Variants in AQP12A observed in about 807,000 individuals in gnomAD.
AQP12A encodes aquaporin 12A.
Under a neutral mutation model 12.2 loss-of-function variants are expected in AQP12A, and 11 were observed. The observed-to-expected ratio is 0.90, with a 90% CI of 0.57 to 1.49. The LOEUF (loss-of-function observed/expected upper bound fraction) is 1.49. AQP12A is among the 40% of genes most tolerant of loss of function. The probability of loss-of-function intolerance (pLI) is 0.00; values close to 1 mark genes in which losing one functional copy is unlikely to be tolerated. For missense variants in AQP12A, 203 were observed against 260.8 expected, an observed-to-expected ratio of 0.78 and a Z score of 1.53; for synonymous variants, 101 against 127.1, an observed-to-expected ratio of 0.79 and a Z score of 1.38.
rs1186744053 is a variant in AQP12A at position 240,692,285 on chromosome 2, C to T, written c.335C>T (p.Ala112Val). The part of the protein sequence containing the change: ...KLAAQGLGMQ[A>V]ACTLMRLCWA... Reference sequence around the variant, plus strand: ...GCGGCACAGGGGCTGGGCATGCAGGCCGCCTGCACCCTGATGCGCCTCTGC... The same window carrying T: ...GCGGCACAGGGGCTGGGCATGCAGGTCGCCTGCACCCTGATGCGCCTCTGC... The change falls in exon 2 of 4, where the codon GCC becomes GTC. Residue 112 changes from alanine (A) to valine (V), a missense_variant. Ala to Val is a moderately conservative substitution (Grantham distance 64, BLOSUM62 0). Around this residue, in one of 2 missense-constraint regions of AQP12A, gnomAD observed 191 missense variants for 197.1 expected, o/e 0.97. Coordinates refer to ENST00000337801, the MANE Select transcript of AQP12A (RefSeq NM_198998.3). 4 of 1,578,444 alleles carry T rather than the reference C, an allele frequency of 2.5e-6. 2 individuals are homozygous for T. The highest frequency in any genetic ancestry group is 3.4e-6 in the Non-Finnish European group (4 of 1,167,418).
At chr2:240,693,053 G>A (rs1174824017) in intron 2 of AQP12A, among the ~76,000 whole-genome samples, 8 of 152,224 alleles carry the variant, frequency 5.3e-5, no homozygotes, top group Admixed American at 4.6e-4. Context: ...CAGACCCTCC[G>A]TCTGATCCAG....
intron 2 of AQP12A, among the ~76,000 whole-genome samples, chr2:240,693,250 C>T (rs1422421013): frequency 1.3e-5 from 2 of 152,026 alleles, no homozygotes; most frequent in Non-Finnish European, 2.9e-5. Flanking sequence ...TCCGGGGGTC[C>T]GAGGTCCTAA....
chr2:240,692,094 C>T lies in AQP12A; in HGVS notation c.144C>T (p.Leu48=), dbSNP rs758875154. The change falls in exon 2 of 4, where the codon CTC becomes CTT. Residue 48 remains leucine (L), a synonymous_variant. Coordinates refer to ENST00000337801, the MANE Select transcript of AQP12A (RefSeq NM_198998.3). ...TGGAGATGAGGACGCTGGTCGAGCTCGGGCCCTGGGCTGGGGACTTTGGGC... is the reference window on the plus strand; with the variant it reads ...TGGAGATGAGGACGCTGGTCGAGCTTGGGCCCTGGGCTGGGGACTTTGGGC... The part of the protein sequence containing the change: ...AREAMRTLVE[L]GPWAGDFGPD... 13 of 1,582,820 alleles carry T rather than the reference C, an allele frequency of 8.2e-6. 1 individual carries two copies. Among genetic ancestry groups the T allele is most frequent in the South Asian group, 7.9e-5 (7 of 88,674 alleles).
Position 240,692,266 on chromosome 2 carries a change from C to G in AQP12A, c.316C>G (p.Gln106Glu), listed in dbSNP as rs1428689902. The G allele has an allele frequency of 1.3e-6, 2 of 1,578,802 alleles. No homozygotes were observed. Among genetic ancestry groups the G allele is most frequent in the Non-Finnish European group, 1.7e-6 (2 of 1,167,556 alleles). The change falls in exon 2 of 4, where the codon CAG becomes GAG. Residue 106 changes from glutamine (Q) to glutamate (E), a missense_variant. Physicochemically the swap from Gln to Glu is conservative, Grantham distance 29 (BLOSUM62 2). Around this residue, in one of 2 missense-constraint regions of AQP12A, gnomAD observed 191 missense variants for 197.1 expected, o/e 0.97. Coordinates refer to ENST00000337801, the MANE Select transcript of AQP12A (RefSeq NM_198998.3). ...LPGTLLKLAAQGLGMQAACTL... is the reference protein window; with the variant it reads ...LPGTLLKLAAEGLGMQAACTL... ...TGGCACGCTGTTGAAGCTGGCGGCA[C>G]AGGGGCTGGGCATGCAGGCCGCCTG... is the stretch of plus-strand genomic sequence containing the variant.
chr2:240,692,925 C>T (rs1399002672), intron 2 of AQP12A, among the ~76,000 whole-genome samples: 1 of 152,158 alleles, frequency 6.6e-6, no homozygotes, highest in Non-Finnish European at 1.5e-5. Context: ...TCACCTGCCC[C>T]AGTTGGCCTC....
At position 240,692,036 on chromosome 2, in the gene AQP12A, G is replaced by A. The variant is rs751218337; in HGVS notation, c.123G>A (p.Ala41=). ...VGAYEVFARE[A]MRTLVELGPW... is the part of the protein sequence containing the mutation. ...CCTATGAAGTCTTCGCCCGGGAGGC[G>A]GTGGGTGCGGGTGCAGCTCGGGCCC... The change falls in exon 1 of 4, where the codon GCG becomes GCA. Residue 41 remains alanine (A), a splice_region_variant and synonymous_variant. Transcript: ENST00000337801. 43 of 1,580,168 alleles carry A rather than the reference G, an allele frequency of 2.7e-5. 7 individuals are homozygous for A. The African/African-American group carries it at 3.0e-4, about 11-fold the overall frequency.
intron 2 of AQP12A, among the ~76,000 whole-genome samples, chr2:240,693,016 A>G (rs1246025367): frequency 7.9e-5 from 12 of 152,362 alleles, no homozygotes; most frequent in African/African-American, 2.4e-4. Flanking sequence ...TCATGGTCCC[A>G]TCACCCCCTT....
rs1451876509 is a variant in AQP12A at position 240,692,237 on chromosome 2, T to C, written c.287T>C (p.Leu96Pro). The part of the protein sequence containing the change: ...LQEFLMAEQS[L>P]PGTLLKLAAQ... ...GAGTTCCTCATGGCCGAGCAGTCTC[T>C]GCCTGGCACGCTGTTGAAGCTGGCG... The change falls in exon 2 of 4, where the codon CTG (leucine) becomes CCG (proline). Residue 96 changes from leucine to proline, a missense_variant. Transcript: ENST00000337801. The C allele has an allele frequency of 6.3e-7, 1 of 1,579,016 alleles. No homozygotes were observed. The highest frequency in any genetic ancestry group is 8.6e-7 in the Non-Finnish European group (1 of 1,167,544).
Position 240,692,286 on chromosome 2 carries a change from C to T in AQP12A, c.336C>T (p.Ala112=), listed in dbSNP as rs536937690. 2.2e-5 allele frequency: 35 copies of T among 1,578,514 alleles called. 2 individuals are homozygous for T. The highest frequency in any genetic ancestry group is 5.7e-5 in the African/African-American group (4 of 69,712). The change falls in exon 2 of 4, where the codon GCC becomes GCT. Residue 112 remains alanine (A), a synonymous_variant. Transcript: ENST00000337801. The part of the protein sequence containing the change: ...KLAAQGLGMQ[A]ACTLMRLCWA... ...CGGCACAGGGGCTGGGCATGCAGGC[C>T]GCCTGCACCCTGATGCGCCTCTGCT...
intron 2 of AQP12A, among the ~76,000 whole-genome samples, chr2:240,693,832 CTG>C (rs2044094402): frequency 1.4e-5 from 1 of 68,992 alleles, no homozygotes; most frequent in Non-Finnish European, 2.4e-5. Context: ...CTCTCTCTCT[CTG>C]TCTCTCCTCT....
chr2:240,693,576 TGTCCCTGTG>T (rs773965497), intron 2 of AQP12A, among the ~76,000 whole-genome samples: 4,843 of 151,614 alleles, frequency 0.032, 115 homozygotes, highest in South Asian at 0.11. Context: ...GCAGACTCCA[TGTCCCTGTG>T]GTCCCTGCCC....
At chr2:240,692,831 G>A (rs2044083008) in intron 2 of AQP12A, among the ~76,000 whole-genome samples, 2 of 150,860 alleles carry the variant, frequency 1.3e-5, no homozygotes, top group Non-Finnish European at 1.5e-5. Flanking sequence ...CGAGGCAGAC[G>A]ATTCAAGGCC....
rs775847031 is a variant in AQP12A, at chr2:240,692,394, C to A, written c.444C>A (p.Pro148=). 55 of 1,508,752 alleles carry A rather than the reference C, an allele frequency of 3.6e-5. 4 individuals are homozygous for A. The South Asian group carries it at 6.3e-4, about 17-fold the overall frequency. 93.5% of individuals were successfully genotyped at this position (1,508,752 alleles called of 1,614,324 possible). A position where few individuals can be genotyped will look rare whatever the true frequency, so the allele number is the denominator to read the frequency against. The part of the protein sequence containing the change: ...SCSSALRTSV[P]HGALVEAACA... ...GCTCGGCCCTGCGCACATCCGTGCCCCACGGGGCGCTTGTGGAGGCCGCCT... is the reference window on the plus strand; with the variant it reads ...GCTCGGCCCTGCGCACATCCGTGCCACACGGGGCGCTTGTGGAGGCCGCCT... The change falls in exon 2 of 4, where the codon CCC becomes CCA. Residue 148 remains proline, a synonymous_variant. Coordinates refer to ENST00000337801, the MANE Select transcript of AQP12A (RefSeq NM_198998.3).
chr2:240,692,228 A>C lies in AQP12A; in HGVS notation c.278A>C (p.Glu93Ala). 1 of 1,579,168 alleles carries C rather than the reference A, an allele frequency of 6.3e-7. No individual in the cohort carries two copies. The highest frequency in any genetic ancestry group is 8.6e-7 in the Non-Finnish European group (1 of 1,167,560). ...TVSLQEFLMA[E>A]QSLPGTLLKL... ...TCCCTGCAGGAGTTCCTCATGGCCG[A>C]GCAGTCTCTGCCTGGCACGCTGTTG... Residue 93 changes from glutamate (E) to alanine (A), a missense_variant, in exon 2 of 4, where the codon GAG becomes GCG. Coordinates refer to ENST00000337801, the MANE Select transcript of AQP12A (RefSeq NM_198998.3).
In AQP12A at chr2:240,692,140, C is replaced by A. The variant is rs1171849254; in HGVS notation, c.190C>A (p.Leu64Ile). 2 of 1,583,314 alleles carry A rather than the reference C, an allele frequency of 1.3e-6. No homozygotes were observed. Among genetic ancestry groups the A allele is most frequent in the African/African-American group, 1.4e-5 (1 of 70,742 alleles). The part of the protein sequence containing the change: ...DFGPDLLLTL[L>I]FLLFLAHGVT... ...TGGGCCTGACCTGCTGCTCACCCTG[C>A]TCTTCCTGCTCTTCCTGGCGCACGG... is the stretch of plus-strand genomic sequence containing the variant. The change falls in exon 2 of 4, where the codon CTC (leucine) becomes ATC (isoleucine). Residue 64 changes from leucine (L) to isoleucine (I), a missense_variant. Around this residue, in one of 2 missense-constraint regions of AQP12A, gnomAD observed 191 missense variants for 197.1 expected, o/e 0.97. Transcript: ENST00000337801.
Position 240,692,045 on chromosome 2 carries a change from G to A in AQP12A, c.123+9G>A, listed in dbSNP as rs373120355. On this transcript the variant is annotated intron_variant, in intron 1 of 3. Transcript: ENST00000337801. ...TCTTCGCCCGGGAGGCGGTGGGTGC[G>A]GGTGCAGCTCGGGCCCTGCTGCCTG... The A allele has an allele frequency of 2.7e-5, 40 of 1,503,512 alleles. 6 individuals are homozygous for A. In the African/African-American group the frequency reaches 4.8e-4, roughly 18 times the overall value. The allele number at this position is 1,503,512 out of a possible 1,614,324, so 93.1% of individuals were successfully genotyped here.
chr2:240,692,107 G>A lies in AQP12A; in HGVS notation c.157G>A (p.Gly53Arg), dbSNP rs1427312823. 17 of 1,583,382 alleles carry A rather than the reference G, an allele frequency of 1.1e-5. 1 individual carries two copies. Among genetic ancestry groups the A allele is most frequent in the Non-Finnish European group, 1.5e-5 (17 of 1,168,352 alleles). The change falls in exon 2 of 4, where the codon GGG (glycine) becomes AGG (arginine). Residue 53 changes from glycine to arginine, a missense_variant. By Grantham distance (125) the Gly-to-Arg change is moderately radical (BLOSUM62 -2). Transcript: ENST00000337801. ...RTLVELGPWA[G>R]DFGPDLLLTL... ...GCTGGTCGAGCTCGGGCCCTGGGCTGGGGACTTTGGGCCTGACCTGCTGCT... is the reference window on the plus strand; with the variant it reads ...GCTGGTCGAGCTCGGGCCCTGGGCTAGGGACTTTGGGCCTGACCTGCTGCT...
chr2:240,692,405 T>C lies in AQP12A; in HGVS notation c.455T>C (p.Leu152Pro), dbSNP rs2044076989. The C allele has an allele frequency of 2.6e-6, 4 of 1,510,932 alleles. No individual in the cohort carries two copies. The highest frequency in any genetic ancestry group is 3.5e-6 in the Non-Finnish European group (4 of 1,131,620). The allele number at this position is 1,510,932 out of a possible 1,614,324, so 93.6% of individuals were successfully genotyped here. ...CGCACATCCGTGCCCCACGGGGCGC[T>C]TGTGGAGGCCGCCTGCGCCTTTTGT... Reference protein sequence around the residue: ...ALRTSVPHGALVEAACAFCFH... With the variant: ...ALRTSVPHGAPVEAACAFCFH... Residue 152 changes from leucine (L) to proline (P), a missense_variant, in exon 2 of 4, where the codon CTT (leucine) becomes CCT (proline). Leu to Pro is a moderately conservative substitution (Grantham distance 98). Around this residue, in one of 2 missense-constraint regions of AQP12A, gnomAD observed 12 missense variants for 63.8 expected, o/e 0.19. Coordinates refer to ENST00000337801, the MANE Select transcript of AQP12A (RefSeq NM_198998.3).
In AQP12A at chr2:240,691,868, C is replaced by T. The variant is rs375181789; in HGVS notation, c.-46C>T. ...GGGAACCAGCCAGCTCCTGCTCTGT[C>T]CCCTCAGGTGTCCTGCAGGCACAGC... On this transcript the variant is annotated 5_prime_UTR_variant, in exon 1 of 4. Transcript: ENST00000337801. 1.9e-6 allele frequency: 3 copies of T among 1,586,586 alleles called. No homozygotes were observed. Among genetic ancestry groups the T allele is most frequent in the Admixed American group, 1.9e-5 (1 of 53,150 alleles).
Sources: gnomAD v4.1 joint callset for allele counts (sites outside exome capture counted in the v4.1 genomes callset) on GRCh38, gnomAD v4.1.1 for gene constraint, gnomAD v4.1.1 regional missense constraint, MANE v1.5 for transcripts, NCBI Gene and HGNC (gene_info 2026-07-23, HGNC 2026-07-21) for gene names.